The following PPEF1 variants were observed in gnomAD, a reference collection of about 807,000 sequenced individuals.
PPEF1 encodes the protein protein phosphatase with EF-hand domain 1.
In PPEF1, 12 loss-of-function variants were observed where a neutral mutation model predicts 53.3. The observed-to-expected ratio is 0.23, with a 90% CI of 0.14 to 0.36. The LOEUF (loss-of-function observed/expected upper bound fraction) is 0.36. PPEF1 is among the 10% of genes least tolerant of loss of function. The pLI, the probability that PPEF1 is intolerant of heterozygous loss-of-function variation, is 1.00. For synonymous variants in PPEF1, 165 were observed against 176.7 expected (o/e 0.93, Z 0.52); for missense variants, 334 against 490.4 (o/e 0.68, Z 3.01).
At chrX:18,721,612 T>A (rs2044591535) in intron 1 of PPEF1, among the ~76,000 whole-genome samples, 1 of 111,777 alleles carries the variant, frequency 8.9e-6, no homozygotes, top group African/African-American at 3.3e-5. Flanking sequence ...CCTCGGAGTT[T>A]CGTTGATTTG....
intron 5 of PPEF1, among the ~76,000 whole-genome samples, chrX:18,760,145 C>T: frequency 9.0e-6 from 1 of 110,988 alleles, no homozygotes; most frequent in Admixed American, 9.6e-5. Context: ...CGCCACGACA[C>T]CTGGCTAATT....
At chrX:18,677,135 C>T (rs1222093457) in intron 1 of PPEF1, among the ~76,000 whole-genome samples, 1 of 107,572 alleles carries the variant, frequency 9.3e-6, no homozygotes, top group African/African-American at 3.4e-5. Flanking sequence ...GCCTCCCGTT[C>T]GAGCAATTCT....
chrX:18,675,087 G>T (rs924022655), upstream of PPEF1, among the ~76,000 whole-genome samples: 27 of 112,961 alleles, frequency 2.4e-4, no homozygotes, highest in Non-Finnish European at 1.9e-4. Flanking sequence ...CCGAGGCGAG[G>T]AGTTTGCGGC....
chrX:18,680,281 C>T (rs1928828054), upstream of PPEF1, among the ~76,000 whole-genome samples: 1 of 109,538 alleles, frequency 9.1e-6, no homozygotes. Flanking sequence ...CTTGTTCTCT[C>T]ACCTTGCTCG....
rs756467774 is a variant in PPEF1, at chrX:18,821,177, T to C, written c.1502-2746T>C. On this transcript the variant is annotated intron_variant, in intron 13 of 15. Coordinates refer to ENST00000470157, the MANE Select transcript of PPEF1 (RefSeq NM_001377996.1). Reference sequence around the variant, plus strand: ...GGCGCAGCTTGCAGTGAGCCGAGATTGCGCCACTGCACTCCAGACTGGGAG... The same window carrying C: ...GGCGCAGCTTGCAGTGAGCCGAGATCGCGCCACTGCACTCCAGACTGGGAG... Among the ~76,000 whole-genome samples the C allele has an allele frequency of 4.6e-3, 469 of 101,118 alleles. 8 individuals are homozygous for C. Among genetic ancestry groups the C allele is most frequent in the Admixed American group, 0.038 (341 of 9,060 alleles). The allele number at this position is 101,118 out of a possible 115,157, so 87.8% of individuals were successfully genotyped here.
Position 18,749,866 on chromosome X carries a change from C to G in PPEF1, c.310C>G (p.Pro104Ala). Reference sequence around the variant, plus strand: ...GGATTATGTGGACTCGATAGATGTCCCAGACTCCTATAATGGTCCTCGGCT... The same window carrying G: ...GGATTATGTGGACTCGATAGATGTCGCAGACTCCTATAATGGTCCTCGGCT... ...RWDYVDSIDVPDSYNGPRLQF... is the reference protein window; with the variant it reads ...RWDYVDSIDVADSYNGPRLQF... The change falls in exon 4 of 16, where the codon CCA (proline) becomes GCA (alanine). Residue 104 changes from proline (P) to alanine (A), a missense_variant. Coordinates refer to ENST00000470157, the MANE Select transcript of PPEF1 (RefSeq NM_001377996.1). 2 of 1,189,476 alleles carry G rather than the reference C, an allele frequency of 1.7e-6. No homozygotes were observed. The highest frequency in any genetic ancestry group is 2.3e-6 in the Non-Finnish European group (2 of 880,181).
rs55997147 is a variant in PPEF1 at position 18,713,420 on chromosome X, C to CTTTTTTTTTTTTTTTTTTTTTTTTTTT, written c.46+5612_46+5613insTTTTTTTTTTTTTTTTTTTTTTTTTTT. ...TTGTTCAGAGTATTCCCTTAAAATT[C>CTTTTTTTTTTTTTTTTTTTTTTTTTTT]TTTTTTTTTTTTTTTTTTCTTTACT... On this transcript the variant is annotated intron_variant, in intron 1 of 15. Coordinates refer to ENST00000470157, the MANE Select transcript of PPEF1 (RefSeq NM_001377996.1). Among the ~76,000 whole-genome samples the CTTTTTTTTTTTTTTTTTTTTTTTTTTT allele has an allele frequency of 2.6e-5, 2 of 77,519 alleles. 1 individual carries two copies. The allele number at this position is 77,519 out of a possible 115,157, so 67.3% of individuals were successfully genotyped here.
chrX:18,690,701 C>T (rs1929326108), intron 3 of PPEF1, among the ~76,000 whole-genome samples: 1 of 112,281 alleles, frequency 8.9e-6, no homozygotes, highest in Non-Finnish European at 1.9e-5. Context: ...AACATTCCTC[C>T]AAGAAACAAA....
chrX:18,802,917 G>C (rs2046576202), intron 10 of PPEF1, among the ~76,000 whole-genome samples: 1 of 112,294 alleles, frequency 8.9e-6, no homozygotes, highest in South Asian at 3.7e-4. Flanking sequence ...ATTCATGGAG[G>C]AGATGAATAT....
intron 13 of PPEF1, among the ~76,000 whole-genome samples, chrX:18,818,388 T>G (rs1012171701): frequency 3.6e-3 from 298 of 83,666 alleles, no homozygotes; most frequent in Non-Finnish European, 5.9e-3. Flanking sequence ...TTTTTTTTTT[T>G]GAGACAGAGT....
intron 6 of PPEF1, among the ~76,000 whole-genome samples, chrX:18,771,167 T>C (rs1342337115): frequency 8.9e-6 from 1 of 112,080 alleles, no homozygotes; most frequent in Admixed American, 9.5e-5. Context: ...ATCATAAAAT[T>C]GGTTCAAAGA....
chrX:18,798,748 A>C (rs921522255), intron 10 of PPEF1, among the ~76,000 whole-genome samples: 20 of 110,686 alleles, frequency 1.8e-4, no homozygotes, highest in Non-Finnish European at 3.8e-4. Context: ...ATCAGCCTCC[A>C]AAGTAGCTGG....
intron 1 of PPEF1, among the ~76,000 whole-genome samples, chrX:18,728,255 C>T (rs1200919927): frequency 9.0e-6 from 1 of 110,555 alleles, no homozygotes; most frequent in East Asian, 2.8e-4. Context: ...AAAGACATAA[C>T]CGAGACTGGG....
At chrX:18,689,614 C>A (rs1489315052) in intron 3 of PPEF1, among the ~76,000 whole-genome samples, 1 of 109,923 alleles carries the variant, frequency 9.1e-6, no homozygotes, top group African/African-American at 3.3e-5. Context: ...ACAGCCCCAC[C>A]CCAGACCTAC....
chrX:18,720,861 ACCCC>A (rs1379149420), intron 1 of PPEF1, among the ~76,000 whole-genome samples: 1 of 109,405 alleles, frequency 9.1e-6, no homozygotes, highest in Non-Finnish European at 1.9e-5. Context: ...AGCCCCAGAA[ACCCC>A]CTCATCTCCT....
At chrX:18,707,888 C>T (rs1569244197) in intron 1 of PPEF1, 62 bp downstream of exon 1, 9 of 1,036,380 alleles carry the variant, frequency 8.7e-6, no homozygotes. Flanking sequence ...TGCCCTCACC[C>T]TCTTCTCCTT....
At chrX:18,685,964 AATTG>A (rs1467251605) in intron 2 of PPEF1, among the ~76,000 whole-genome samples, 1 of 111,447 alleles carries the variant, frequency 9.0e-6, no homozygotes, top group African/African-American at 3.3e-5. Context: ...CACAACTGAA[AATTG>A]ATTGTGAATC....
At chrX:18,675,101 T>A (rs1928624470), upstream of PPEF1, among the ~76,000 whole-genome samples, 1 of 112,728 alleles carries the variant, frequency 8.9e-6, no homozygotes, top group African/African-American at 3.2e-5. Flanking sequence ...TTGCGGCGGC[T>A]TCGAGTCTCG....
intron 6 of PPEF1, among the ~76,000 whole-genome samples, chrX:18,776,239 G>A (rs1259847226): frequency 9.0e-6 from 1 of 110,700 alleles, no homozygotes; most frequent in Non-Finnish European, 1.9e-5. Flanking sequence ...TTGGTTGGTT[G>A]GTTGGTTTGT....
Sources: allele counts gnomAD v4.1 joint callset (sites outside exome capture counted in the v4.1 genomes callset), GRCh38; gene constraint gnomAD v4.1.1; transcripts MANE v1.5; gene names NCBI Gene and HGNC (gene_info 2026-07-23, HGNC 2026-07-21).